The following KLHL29 variants were observed in gnomAD, a reference collection of about 807,000 sequenced individuals.
KLHL29 encodes the protein kelch like family member 29, also known as kelch-like protein 29.
A neutral mutation model predicts 80.4 loss-of-function variants in KLHL29; 21 were observed. That is an observed-to-expected ratio of 0.26 (90% CI 0.19 to 0.38). The LOEUF is 0.38. Ranked by LOEUF, KLHL29 falls within the 10% of genes least tolerant of loss-of-function variation. The pLI is 1.00. For synonymous variants in KLHL29, 511 were observed against 526.8 expected, an observed-to-expected ratio of 0.97 and a Z score of 0.41; for missense variants, 867 against 1,223.9, an observed-to-expected ratio of 0.71 and a Z score of 4.35.
At chr2:23,573,475 G>C (rs1667766952) in intron 3 of KLHL29, among the ~76,000 whole-genome samples, 1 of 152,164 alleles carries the variant, frequency 6.6e-6, no homozygotes, top group Admixed American at 6.5e-5. Context: ...AGAGCTCTGG[G>C]TAGGCCCAGT....
chr2:23,433,779 C>T (rs1393958716), intron 1 of KLHL29, among the ~76,000 whole-genome samples: 1 of 152,096 alleles, frequency 6.6e-6, no homozygotes, highest in Non-Finnish European at 1.5e-5. Flanking sequence ...AATTGCTGGG[C>T]ATGGTGGTGC....
chr2:23,422,735 C>A (rs574860718), intron 1 of KLHL29, among the ~76,000 whole-genome samples: 1 of 145,320 alleles, frequency 6.9e-6, no homozygotes, highest in African/African-American at 2.6e-5. Context: ...CGGGCAGTGC[C>A]CGTGTGTGTC....
At chr2:23,426,080 G>A (rs1363567810) in intron 1 of KLHL29, among the ~76,000 whole-genome samples, 1 of 152,168 alleles carries the variant, frequency 6.6e-6, no homozygotes, top group Admixed American at 6.5e-5. Flanking sequence ...CTTTGAGGTG[G>A]GGAGATGGCC....
At chr2:23,393,418 A>T (rs1021266761) in intron 1 of KLHL29, among the ~76,000 whole-genome samples, 1 of 152,214 alleles carries the variant, frequency 6.6e-6, no homozygotes, top group Non-Finnish European at 1.5e-5. Context: ...TCATCGTTGC[A>T]GTGACAACCT....
intron 1 of KLHL29, among the ~76,000 whole-genome samples, chr2:23,470,976 A>T (rs535088060): frequency 8.5e-5 from 13 of 152,320 alleles, no homozygotes; most frequent in African/African-American, 2.9e-4. Flanking sequence ...TCTCGTCTTA[A>T]AAAGAATATG....
intron 2 of KLHL29, among the ~76,000 whole-genome samples, chr2:23,543,669 G>A (rs1666904979): frequency 1.3e-5 from 2 of 152,220 alleles, no homozygotes; most frequent in Non-Finnish European, 1.5e-5. Context: ...TGCTCCATCG[G>A]TTTCTGGGAC....
chr2:23,438,193 G>A (rs1663400894), intron 1 of KLHL29, among the ~76,000 whole-genome samples: 1 of 150,990 alleles, frequency 6.6e-6, no homozygotes. Context: ...TTGCTTATCA[G>A]CTTAAGGAGA....
At chr2:23,615,082 C>T (rs1668970300) in intron 3 of KLHL29, among the ~76,000 whole-genome samples, 1 of 152,250 alleles carries the variant, frequency 6.6e-6, no homozygotes, top group South Asian at 2.1e-4. Context: ...GGCGCTTCTT[C>T]CACGTCCTAT....
At chr2:23,448,657 A>G (rs1433294163) in intron 1 of KLHL29, among the ~76,000 whole-genome samples, 1 of 152,186 alleles carries the variant, frequency 6.6e-6, no homozygotes, top group Non-Finnish European at 1.5e-5. Context: ...TGTCAACCCC[A>G]GGAACACCCA....
At chr2:23,577,911 C>T (rs1667884024) in intron 3 of KLHL29, among the ~76,000 whole-genome samples, 1 of 152,114 alleles carries the variant, frequency 6.6e-6, no homozygotes, top group Admixed American at 6.6e-5. Flanking sequence ...CTCATCCTGT[C>T]TCTGTTCGGA....
chr2:23,437,542 T>G (rs1663377825), intron 1 of KLHL29, among the ~76,000 whole-genome samples: 1 of 152,248 alleles, frequency 6.6e-6, no homozygotes, highest in Non-Finnish European at 1.5e-5. Flanking sequence ...ATACTTAGGC[T>G]AAATTCGAAG....
intron 3 of KLHL29, among the ~76,000 whole-genome samples, chr2:23,629,425 G>C (rs1279352070): frequency 6.6e-6 from 1 of 151,972 alleles, no homozygotes; most frequent in Non-Finnish European, 1.5e-5. Context: ...AAATTTTGTG[G>C]GTTTTGTAAT....
At chr2:23,553,341 T>C (rs1444875705) in intron 2 of KLHL29, among the ~76,000 whole-genome samples, 1 of 152,204 alleles carries the variant, frequency 6.6e-6, no homozygotes, top group African/African-American at 2.4e-5. Context: ...GGCCTTGATA[T>C]TTTAAGAAAA....
intron 2 of KLHL29, among the ~76,000 whole-genome samples, chr2:23,493,703 GTGTGTC>G (rs1165780731): frequency 4.6e-5 from 7 of 152,108 alleles, no homozygotes; most frequent in Admixed American, 1.3e-4. Context: ...GTTTATGCGT[GTGTGTC>G]TGTGTCTGTG....
At chr2:23,592,618 G>A (rs1035801340) in intron 3 of KLHL29, among the ~76,000 whole-genome samples, 2 of 152,238 alleles carry the variant, frequency 1.3e-5, no homozygotes, top group African/African-American at 2.4e-5. Flanking sequence ...GGGTCGCATG[G>A]AATTTTTAGT....
chr2:23,547,365 G>C (rs1028256678), intron 2 of KLHL29, among the ~76,000 whole-genome samples: 4 of 152,206 alleles, frequency 2.6e-5, no homozygotes, highest in African/African-American at 7.2e-5. Context: ...AGATTGGACT[G>C]GGCTTTGGAG....
intron 5 of KLHL29, among the ~76,000 whole-genome samples, chr2:23,656,586 G>A (rs1473613021): frequency 6.6e-6 from 1 of 152,248 alleles, no homozygotes; most frequent in African/African-American, 2.4e-5. Flanking sequence ...TAGGCTGAGT[G>A]ATCGCCTTCC....
intron 2 of KLHL29, among the ~76,000 whole-genome samples, chr2:23,561,946 C>G (rs1399623065): frequency 6.6e-6 from 1 of 152,118 alleles, no homozygotes; most frequent in Non-Finnish European, 1.5e-5. Flanking sequence ...CTTACTTTGG[C>G]CACGTGATCC....
At chr2:23,636,899 G>T (rs542205921) in intron 3 of KLHL29, among the ~76,000 whole-genome samples, 1 of 152,270 alleles carries the variant, frequency 6.6e-6, no homozygotes, top group South Asian at 2.1e-4. Flanking sequence ...GGAGGCAGGG[G>T]CTGCTCCAGG....
Sources: allele counts gnomAD v4.1 joint callset (sites outside exome capture counted in the v4.1 genomes callset), GRCh38; gene constraint gnomAD v4.1.1; transcripts MANE v1.5; gene names NCBI Gene and HGNC (gene_info 2026-07-23, HGNC 2026-07-21).